NBPF15: variants seen among roughly 807,000 people sequenced by gnomAD.
NBPF15 encodes the protein NBPF member 15.
Under a neutral mutation model 62.2 loss-of-function variants are expected in NBPF15, and 74 were observed. The ratio of observed to expected loss-of-function variants is 1.19; its 90% CI spans 0.99 to 1.44. NBPF15 has a LOEUF of 1.44. Among genes scored for constraint, NBPF15 ranks in the 40% most tolerant of loss-of-function variants. The probability of loss-of-function intolerance (pLI) is 0.00; values close to 1 mark genes in which losing one functional copy is unlikely to be tolerated. For synonymous variants in NBPF15, 244 were observed against 209.7 expected, an observed-to-expected ratio of 1.16 and a Z score of -1.41; for missense variants, 790 against 550.0, an observed-to-expected ratio of 1.44 and a Z score of -4.36.
rs1666675069 is a variant in NBPF15, at chr1:144,422,895, T to G, written c.*118A>C. 1.9e-6 allele frequency: 3 copies of G among 1,605,828 alleles called. No homozygotes were observed. Among genetic ancestry groups the G allele is most frequent in the Admixed American group, 3.4e-5 (2 of 59,556 alleles). On this transcript the variant is annotated 3_prime_UTR_variant, in exon 22 of 22. Coordinates refer to ENST00000581897, the MANE Select transcript of NBPF15 (RefSeq NM_001385408.1). ...TGGTTTGAGAATAGGAATAGAGCCA[T>G]GCTCACTGACCCATCCTATGTCTGG...
Position 144,445,336 on chromosome 1 carries a change from T to TATATATAC in NBPF15, c.-191+3438_-191+3439insGTATATAT, listed in dbSNP as rs1309898550. On this transcript the variant is annotated intron_variant, in intron 6 of 21. Coordinates refer to ENST00000581897, the MANE Select transcript of NBPF15 (RefSeq NM_001385408.1). ...ATGATAATCTTCAAAACGGTGAATA[T>TATATATAC]ATATATATATATATATATACACACA... 3.6e-3 allele frequency among the ~76,000 whole-genome samples: 423 copies of TATATATAC among 116,700 alleles called. 1 individual carries two copies. Among genetic ancestry groups the TATATATAC allele is most frequent in the African/African-American group, 0.015 (399 of 25,990 alleles). 76.6% of individuals were successfully genotyped at this position (116,700 alleles called of 152,430 possible). A position where few individuals can be genotyped will look rare whatever the true frequency, so the allele number is the denominator to read the frequency against.
At position 144,424,717 on chromosome 1, in the gene NBPF15, G is replaced by C; in HGVS notation, c.1636C>G (p.His546Asp). The C allele has an allele frequency of 1.6e-6, 1 of 615,254 alleles. No individual in the cohort carries two copies. Among genetic ancestry groups the C allele is most frequent in the Non-Finnish European group, 2.8e-6 (1 of 353,248 alleles). The allele number at this position is 615,254 out of a possible 1,614,324, so 38.1% of individuals were successfully genotyped here. Residue 546 changes from histidine (H) to aspartate (D), a missense_variant, in exon 20 of 22, where the codon CAT (histidine) becomes GAT (aspartate). Physicochemically the swap from His to Asp is moderately conservative, Grantham distance 81. Transcript: ENST00000581897. ...GSSFYALEEKHVGFSLDVGEI... is the reference protein window; with the variant it reads ...GSSFYALEEKDVGFSLDVGEI... ...CCCACGTCAAGAGAAAAGCCAACATGTTTTTCCTCCAATGCATAAAAGGAA... is the reference window on the plus strand; with the variant it reads ...CCCACGTCAAGAGAAAAGCCAACATCTTTTTCCTCCAATGCATAAAAGGAA...
rs1398151382 is a variant in NBPF15 at position 144,435,389 on chromosome 1, G to T, written c.567-73C>A. 2.1e-6 allele frequency: 3 copies of T among 1,398,370 alleles called. No homozygotes were observed. The East Asian group carries it at 6.8e-5, about 32-fold the overall frequency. 86.6% of individuals were successfully genotyped at this position (1,398,370 alleles called of 1,614,324 possible). On this transcript the variant is annotated intron_variant, in intron 11 of 21. Transcript: ENST00000581897. ...GATTGGACCCCAGGGAGTCCTAGCT[G>T]GTTTTGACAGGCGGCATTAAGAGAG...
Position 144,423,187 on chromosome 1 carries a change from C to T in NBPF15, c.1839G>A (p.Ser613=), listed in dbSNP as rs149142695. ...GTTGTTCAAAGTACATTGACGGAGTCGAATAACATCTATCCAGTGAGTCCT... is the reference window on the plus strand; with the variant it reads ...GTTGTTCAAAGTACATTGACGGAGTTGAATAACATCTATCCAGTGAGTCCT... ...VLQDSLDRCY[S]TPSMYFEQPD... is the part of the protein sequence containing the mutation. Residue 613 remains serine, a synonymous_variant, in exon 22 of 22, where the codon TCG becomes TCA. Coordinates refer to ENST00000581897, the MANE Select transcript of NBPF15 (RefSeq NM_001385408.1). The T allele has an allele frequency of 1.3e-4, 215 of 1,611,532 alleles. 1 individual carries two copies. Among genetic ancestry groups the T allele is most frequent in the African/African-American group, 9.6e-4 (72 of 74,854 alleles).
intron 4 of NBPF15, among the ~76,000 whole-genome samples, chr1:144,455,456 C>T (rs1335154378): frequency 1.3e-5 from 2 of 152,152 alleles, no homozygotes; most frequent in East Asian, 3.9e-4. Flanking sequence ...CCCCTTCTTC[C>T]TCCTCTGAAA....
intron 9 of NBPF15, 145 bp downstream of exon 9, chr1:144,437,800 A>G (rs1679657294): frequency 6.6e-6 from 5 of 757,384 alleles, no homozygotes; most frequent in Admixed American, 4.5e-5. Flanking sequence ...TCTCTGTTTG[A>G]TAAATATTTG....
At chr1:144,433,485 C>A (rs1430588112) in intron 13 of NBPF15, among the ~76,000 whole-genome samples, 4 of 147,068 alleles carry the variant, frequency 2.7e-5, no homozygotes, top group African/African-American at 2.5e-5. Flanking sequence ...ACACAAAAAA[C>A]CCTTCAAAAA....
At chr1:144,442,455 G>T (rs1233389176) in intron 6 of NBPF15, among the ~76,000 whole-genome samples, 1 of 147,342 alleles carries the variant, frequency 6.8e-6, no homozygotes, top group South Asian at 2.1e-4. Flanking sequence ...AAGTGGCGGA[G>T]CGAGGGCTAC....
intron 12 of NBPF15, among the ~76,000 whole-genome samples, chr1:144,434,862 C>T (rs1439272743): frequency 2.6e-5 from 4 of 151,982 alleles, no homozygotes; most frequent in Non-Finnish European, 4.4e-5. Context: ...ACAGATATGG[C>T]CTGTGCACCT....
intron 1 of NBPF15, among the ~76,000 whole-genome samples, 165 bp downstream of exon 1, chr1:144,461,216 G>A (rs1202426228): frequency 2.0e-5 from 3 of 152,060 alleles, no homozygotes; most frequent in African/African-American, 4.8e-5. Context: ...AGGGCTGCGG[G>A]CGGCAGCGGC....
At position 144,455,047 on chromosome 1, in the gene NBPF15, AGAAGAAAG is replaced by A. The variant is rs587627742; in HGVS notation, c.-432+1482_-432+1489del. The stretch of plus-strand genomic sequence containing the variant: ...AGCATGAGAGACAAAGAAAAAGAAA[AGAAGAAAG>A]GAAGAAAGGAAAGAATGGAGGGAGG... On this transcript the variant is annotated intron_variant, in intron 4 of 21. Transcript: ENST00000581897. Among the ~76,000 whole-genome samples, 14 of 150,226 alleles carry A rather than the reference AGAAGAAAG, an allele frequency of 9.3e-5. No homozygotes were observed. The East Asian group carries it at 2.4e-3, about 26-fold the overall frequency.
chr1:144,425,059 GACACACACACACAC>G (rs199782361), intron 19 of NBPF15, among the ~76,000 whole-genome samples, 197 bp from the exon 20 acceptor site: 10 of 92,794 alleles, frequency 1.1e-4, no homozygotes, highest in Non-Finnish European at 1.7e-4. Flanking sequence ...AAGACAGATA[GACACACACACACAC>G]ACACACACAC....
At chr1:144,424,394 T>A (rs1282089518) in intron 20 of NBPF15, among the ~76,000 whole-genome samples, 1 of 151,742 alleles carries the variant, frequency 6.6e-6, no homozygotes, top group African/African-American at 2.4e-5. Context: ...CTACAAACCC[T>A]TGAGTCAAAA....
At chr1:144,442,111 TA>T (rs1683368285) in intron 6 of NBPF15, among the ~76,000 whole-genome samples, 2 of 75,624 alleles carry the variant, frequency 2.6e-5, no homozygotes, top group East Asian at 3.9e-4. Flanking sequence ...TGTATATATA[TA>T]TATAATATAT....
intron 13 of NBPF15, among the ~76,000 whole-genome samples, chr1:144,432,114 G>A (rs1469642909): frequency 2.6e-5 from 4 of 152,094 alleles, no homozygotes; most frequent in Non-Finnish European, 2.9e-5. Flanking sequence ...CACCAACAGT[G>A]TAAAAGTGTT....
chr1:144,442,166 A>ATATATATATATAATATATATACACGTG (rs1683618442), intron 6 of NBPF15, among the ~76,000 whole-genome samples: 25 of 80,420 alleles, frequency 3.1e-4, no homozygotes, highest in Admixed American at 3.5e-4. Flanking sequence ...ACACGTGTAT[A>ATATATATATATAATATATATACACGTG]TATATATATA....
At chr1:144,455,167 G>A (rs1693673437) in intron 4 of NBPF15, among the ~76,000 whole-genome samples, 1 of 148,744 alleles carries the variant, frequency 6.7e-6, no homozygotes, top group Admixed American at 6.7e-5. Context: ...AAGGCAGGGA[G>A]GGAGAGAGGA....
In NBPF15 at chr1:144,449,663, G is replaced by A. The variant is rs782640822; in HGVS notation, c.-332-747C>T. Among the ~76,000 whole-genome samples, 125 of 151,870 alleles carry A rather than the reference G, an allele frequency of 8.2e-4. 3 individuals are homozygous for A. The highest frequency in any genetic ancestry group is 1.2e-3 in the Non-Finnish European group (81 of 67,944). On this transcript the variant is annotated intron_variant, in intron 5 of 21. Coordinates refer to ENST00000581897, the MANE Select transcript of NBPF15 (RefSeq NM_001385408.1). ...AGAGGTAAAGACCCACAGGACAGAGGGTCAGTCCCAGGCTGTGGATCCTAA... is the reference window on the plus strand; with the variant it reads ...AGAGGTAAAGACCCACAGGACAGAGAGTCAGTCCCAGGCTGTGGATCCTAA...
At chr1:144,457,905 T>A (rs1649315287) in intron 3 of NBPF15, among the ~76,000 whole-genome samples, 1 of 151,932 alleles carries the variant, frequency 6.6e-6, no homozygotes, top group Non-Finnish European at 1.5e-5. Flanking sequence ...GTCTGAGCAC[T>A]ACAGGAAAAC....
Sources: gnomAD v4.1 joint callset for allele counts (sites outside exome capture counted in the v4.1 genomes callset) on GRCh38, gnomAD v4.1.1 for gene constraint, MANE v1.5 for transcripts, NCBI Gene and HGNC (gene_info 2026-07-23, HGNC 2026-07-21) for gene names.